PPARGC1A: variants seen among roughly 807,000 people sequenced by gnomAD.
PPARGC1A encodes the protein peroxisome proliferator-activated receptor gamma coactivator 1-alpha.
Under a neutral mutation model 88.7 loss-of-function variants are expected in PPARGC1A, and 25 were observed. That is an observed-to-expected ratio of 0.28 (90% CI 0.21 to 0.39). PPARGC1A has a LOEUF of 0.39. Among genes scored for constraint, PPARGC1A ranks in the 10% least tolerant of loss-of-function variants. The probability of loss-of-function intolerance (pLI) is 1.00; values close to 1 mark genes in which losing one functional copy is unlikely to be tolerated. For missense variants in PPARGC1A, 880 were observed against 968.7 expected (o/e 0.91, Z 1.22); for synonymous variants, 363 against 355.6 (o/e 1.02, Z -0.24).
chr4:23,925,764 T>C, the PPARGC1A span, among the ~76,000 whole-genome samples: 22 of 152,198 alleles, frequency 1.4e-4, no homozygotes, highest in African/African-American at 5.1e-4. Flanking sequence ...ACTTTCGTTT[T>C]AGTCTACAGA....
intron 12 of PPARGC1A, among the ~76,000 whole-genome samples, chr4:23,796,232 C>A (rs1464966321): frequency 6.6e-6 from 1 of 152,098 alleles, no homozygotes; most frequent in Non-Finnish European, 1.5e-5. Context: ...ATGACTTGCC[C>A]ATGGTTCCTC....
chr4:23,845,131 C>T (rs1728089811), intron 2 of PPARGC1A, among the ~76,000 whole-genome samples: 2 of 151,920 alleles, frequency 1.3e-5, no homozygotes, highest in Middle Eastern at 3.4e-3. Context: ...AACAGCAGCA[C>T]CAGGACTTTA....
chr4:24,372,370 G>A, the PPARGC1A span, among the ~76,000 whole-genome samples: 1 of 152,158 alleles, frequency 6.6e-6, no homozygotes, highest in Admixed American at 6.5e-5. Context: ...CTAGGTTCCT[G>A]TGTGCTAGGC....
At chr4:24,187,796 ATAATGT>A in the PPARGC1A span, among the ~76,000 whole-genome samples, 1 of 152,186 alleles carries the variant, frequency 6.6e-6, no homozygotes, top group African/African-American at 2.4e-5. Flanking sequence ...AGCAGAGGAG[ATAATGT>A]TAAGTAAGCA....
the PPARGC1A span, among the ~76,000 whole-genome samples, chr4:23,913,645 C>T: frequency 1.3e-5 from 2 of 152,254 alleles, no homozygotes; most frequent in East Asian, 3.9e-4. Flanking sequence ...AGAACAATGT[C>T]TTGTTCACAA....
the PPARGC1A span, among the ~76,000 whole-genome samples, chr4:24,157,210 C>T: frequency 6.6e-6 from 1 of 152,110 alleles, no homozygotes; most frequent in Non-Finnish European, 1.5e-5. Flanking sequence ...CATTTTGTTC[C>T]CAAGAAAAGT....
the PPARGC1A span, among the ~76,000 whole-genome samples, chr4:24,146,048 A>C: frequency 1.3e-5 from 2 of 152,200 alleles, no homozygotes; most frequent in African/African-American, 4.8e-5. Context: ...TGCATGTTAA[A>C]AAGAGTTAAG....
chr4:24,365,153 G>GAA, the PPARGC1A span, among the ~76,000 whole-genome samples: 2 of 133,268 alleles, frequency 1.5e-5, no homozygotes, highest in African/African-American at 2.8e-5. Context: ...AGATGGCATT[G>GAA]AAAAAAAAAA....
At chr4:24,214,953 T>C in the PPARGC1A span, among the ~76,000 whole-genome samples, 11 of 152,348 alleles carry the variant, frequency 7.2e-5, 2 homozygotes, top group African/African-American at 2.4e-4. Context: ...GTGCTGCTCA[T>C]TGTAACCAAC....
the PPARGC1A span, among the ~76,000 whole-genome samples, chr4:24,194,129 CAAA>C: frequency 1.6e-5 from 2 of 128,756 alleles, no homozygotes; most frequent in Admixed American, 7.9e-5. Context: ...AACTCCATCT[CAAA>C]AAAAAAAAAA....
At chr4:23,833,439 A>G (rs57308654) in intron 2 of PPARGC1A, among the ~76,000 whole-genome samples, 5,732 of 152,300 alleles carry the variant, frequency 0.038, 114 homozygotes, top group Middle Eastern at 0.058. Flanking sequence ...ATGCTATGAC[A>G]TTAACAATAT....
chr4:24,174,934 T>G, the PPARGC1A span, among the ~76,000 whole-genome samples: 1 of 152,208 alleles, frequency 6.6e-6, no homozygotes, highest in Non-Finnish European at 1.5e-5. Flanking sequence ...TTATATATCC[T>G]GTGAAAATGC....
At chr4:24,009,712 C>G in the PPARGC1A span, among the ~76,000 whole-genome samples, 1 of 152,172 alleles carries the variant, frequency 6.6e-6, no homozygotes, top group Non-Finnish European at 1.5e-5. Flanking sequence ...TTTCAGAACA[C>G]AACAACATTG....
chr4:24,398,537 T>C, the PPARGC1A span, among the ~76,000 whole-genome samples: 5 of 152,244 alleles, frequency 3.3e-5, no homozygotes, highest in South Asian at 1.0e-3. Context: ...TTCAGTTCTC[T>C]TCTTTCATTG....
the PPARGC1A span, among the ~76,000 whole-genome samples, chr4:23,952,737 C>G: frequency 2.0e-5 from 3 of 151,976 alleles, no homozygotes; most frequent in South Asian, 6.2e-4. Flanking sequence ...TGTAAGGAAC[C>G]CTGAAACTTA....
chr4:23,908,278 C>T (rs1015117960), upstream of PPARGC1A, among the ~76,000 whole-genome samples: 2 of 151,906 alleles, frequency 1.3e-5, no homozygotes, highest in Non-Finnish European at 2.9e-5. Flanking sequence ...CAAAAATAGG[C>T]GAAATGCAGT....
chr4:23,902,979 G>C (rs1275165434), upstream of PPARGC1A, among the ~76,000 whole-genome samples: 1 of 152,120 alleles, frequency 6.6e-6, no homozygotes. Flanking sequence ...GTTCTTCTTT[G>C]CAACTAATAA....
the PPARGC1A span, among the ~76,000 whole-genome samples, chr4:24,450,607 T>C: frequency 6.6e-6 from 1 of 152,166 alleles, no homozygotes; most frequent in Non-Finnish European, 1.5e-5. Flanking sequence ...GGTGGGGGGA[T>C]CTAAAGTCTA....
At chr4:23,819,048 G>A (rs1722508013) in intron 7 of PPARGC1A, among the ~76,000 whole-genome samples, 1 of 151,934 alleles carries the variant, frequency 6.6e-6, no homozygotes, top group African/African-American at 2.4e-5. Context: ...AGCAAAGAGA[G>A]GTGTGTGACT....
Sources: allele counts gnomAD v4.1 joint callset (sites outside exome capture counted in the v4.1 genomes callset), GRCh38; gene constraint gnomAD v4.1.1; transcripts MANE v1.5; gene names NCBI Gene and HGNC (gene_info 2026-07-23, HGNC 2026-07-21).